The following EPC1 variants were observed in gnomAD, a reference collection of about 807,000 sequenced individuals.
EPC1 encodes enhancer of polycomb homolog 1.
A neutral mutation model predicts 98.4 loss-of-function variants in EPC1; 12 were observed. That is an observed-to-expected ratio of 0.12 (90% CI 0.08 to 0.20). The LOEUF is 0.20. Ranked by LOEUF, EPC1 falls within the 10% of genes least tolerant of loss-of-function variation. EPC1 has a pLI of 1.00. For missense variants in EPC1, 729 were observed against 990.5 expected (o/e 0.74, Z 3.54); for synonymous variants, 357 against 363.9 (o/e 0.98, Z 0.21).
In EPC1 at chr10:32,299,562, C is replaced by CATCATT. The variant is rs1219644954; in HGVS notation, c.314-5826_314-5825insAATGAT. 4.4e-3 allele frequency among the ~76,000 whole-genome samples: 671 copies of CATCATT among 152,082 alleles called. 7 individuals are homozygous for CATCATT. The highest frequency in any genetic ancestry group is 0.016 in the African/African-American group (643 of 41,436). ...CCTCCATCATCATCATCATCATCAT[C>CATCATT]ATTATTATTATTATTAGCACATTCC... On this transcript the variant is annotated intron_variant, in intron 2 of 13. Coordinates refer to ENST00000319778, the MANE Select transcript of EPC1 (RefSeq NM_001272004.3).
At chr10:32,322,540 C>T (rs1440283455) in intron 1 of EPC1, among the ~76,000 whole-genome samples, 2 of 152,156 alleles carry the variant, frequency 1.3e-5, no homozygotes, top group Non-Finnish European at 2.9e-5. Context: ...GTTCTTCTAT[C>T]AAAAATAACA....
intron 1 of EPC1, among the ~76,000 whole-genome samples, chr10:32,342,305 TAAAG>T (rs1838415140): frequency 6.6e-6 from 1 of 152,216 alleles, no homozygotes; most frequent in African/African-American, 2.4e-5. Flanking sequence ...TATTAAAGGT[TAAAG>T]AAAGAGACTG....
chr10:32,343,355 C>A (rs1838498934), intron 1 of EPC1, among the ~76,000 whole-genome samples: 1 of 152,168 alleles, frequency 6.6e-6, no homozygotes, highest in African/African-American at 2.4e-5. Flanking sequence ...GGATTACAGG[C>A]AGCTGCCACC....
At chr10:32,275,701 G>C (rs1033663463) in intron 10 of EPC1, among the ~76,000 whole-genome samples, 4 of 151,948 alleles carry the variant, frequency 2.6e-5, no homozygotes, top group Non-Finnish European at 5.9e-5. Context: ...TGTGAACCCG[G>C]GAGGCGAAGC....
intron 13 of EPC1, among the ~76,000 whole-genome samples, chr10:32,270,012 C>A (rs986387099): frequency 6.6e-6 from 1 of 152,194 alleles, no homozygotes; most frequent in Non-Finnish European, 1.5e-5. Context: ...TATACAAAAA[C>A]CAGTTTACTT....
intron 6 of EPC1, among the ~76,000 whole-genome samples, chr10:32,287,678 G>A (rs1427558431): frequency 1.3e-5 from 2 of 151,874 alleles, no homozygotes; most frequent in African/African-American, 4.8e-5. Flanking sequence ...ATAAATATAG[G>A]ACAAATAATA....
intron 4 of EPC1, 124 bp downstream of exon 4, chr10:32,292,864 A>T: frequency 1.3e-6 from 1 of 768,994 alleles, no homozygotes; most frequent in Non-Finnish European, 1.9e-6. Flanking sequence ...AGTTCAATTT[A>T]AGTATTTTTC....
At chr10:32,344,147 T>C (rs1479011467) in intron 1 of EPC1, among the ~76,000 whole-genome samples, 2 of 152,258 alleles carry the variant, frequency 1.3e-5, no homozygotes, top group Admixed American at 6.5e-5. Flanking sequence ...TTTGTTTTTC[T>C]ATGGAGAATC....
At chr10:32,319,483 T>C (rs1836753926) in intron 1 of EPC1, among the ~76,000 whole-genome samples, 2 of 152,198 alleles carry the variant, frequency 1.3e-5, no homozygotes, top group Admixed American at 6.5e-5. Context: ...GAGGTGCAGA[T>C]GCATCTGTGT....
intron 1 of EPC1, among the ~76,000 whole-genome samples, chr10:32,317,146 T>A (rs986161485): frequency 1.3e-5 from 2 of 152,192 alleles, no homozygotes; most frequent in African/African-American, 4.8e-5. Flanking sequence ...ACTTGACAGT[T>A]TCTTCTCACC....
intron 1 of EPC1, among the ~76,000 whole-genome samples, chr10:32,353,279 G>T (rs1380237071): frequency 1.3e-5 from 2 of 152,108 alleles, no homozygotes; most frequent in African/African-American, 4.8e-5. Flanking sequence ...TGGTAATGAA[G>T]GGCAAAGAGA....
intron 5 of EPC1, 85 bp from the exon 6 acceptor site, chr10:32,291,407 TA>T: frequency 1.9e-6 from 2 of 1,037,244 alleles, no homozygotes; most frequent in Non-Finnish European, 2.7e-6. Context: ...TACTGTGAAA[TA>T]ATTACCACAA....
intron 1 of EPC1, among the ~76,000 whole-genome samples, chr10:32,320,690 G>A (rs1181160740): frequency 1.3e-5 from 2 of 151,992 alleles, no homozygotes; most frequent in Admixed American, 1.3e-4. Context: ...TGCTTCCTGG[G>A]CTCAAGTGAT....
At chr10:32,326,111 AAGG>A (rs1470928654) in intron 1 of EPC1, among the ~76,000 whole-genome samples, 3 of 152,180 alleles carry the variant, frequency 2.0e-5, no homozygotes, top group African/African-American at 7.2e-5. Flanking sequence ...AACACACTGC[AAGG>A]AGTTGTAGGA....
upstream of EPC1, among the ~76,000 whole-genome samples, chr10:32,349,749 GC>G (rs1223464116): frequency 1.3e-5 from 2 of 152,126 alleles, no homozygotes. Flanking sequence ...AAAGGTACAT[GC>G]CACCATACCC....
chr10:32,270,828 A>C (rs1835806426), intron 13 of EPC1, among the ~76,000 whole-genome samples: 2 of 139,564 alleles, frequency 1.4e-5, no homozygotes, highest in African/African-American at 6.3e-5. Flanking sequence ...TCTCAAAAAA[A>C]AAAAAAAAAA....
chr10:32,310,117 C>T (rs1237407920), intron 1 of EPC1, among the ~76,000 whole-genome samples: 1 of 152,050 alleles, frequency 6.6e-6, no homozygotes, highest in Non-Finnish European at 1.5e-5. Context: ...ATCGCTTGAA[C>T]CCAGGAGGCA....
At chr10:32,356,151 G>A (rs1241008007) in intron 1 of EPC1, among the ~76,000 whole-genome samples, 1 of 152,136 alleles carries the variant, frequency 6.6e-6, no homozygotes. Context: ...ATCATGAATT[G>A]CTTTTGCTTT....
At chr10:32,272,656 A>C (rs1835899227) in intron 11 of EPC1, among the ~76,000 whole-genome samples, 1 of 152,242 alleles carries the variant, frequency 6.6e-6, no homozygotes, top group South Asian at 2.1e-4. Context: ...ATATCACATA[A>C]TTTAACCTAG....
Sources: allele counts gnomAD v4.1 joint callset (sites outside exome capture counted in the v4.1 genomes callset), GRCh38; gene constraint gnomAD v4.1.1; transcripts MANE v1.5; gene names NCBI Gene and HGNC (gene_info 2026-07-23, HGNC 2026-07-21).